Variants in BMPR1B observed in about 807,000 individuals in gnomAD.
BMPR1B encodes bone morphogenetic protein receptor type-1B.
A neutral mutation model predicts 59.1 loss-of-function variants in BMPR1B; 12 were observed. That is an observed-to-expected ratio of 0.20 (90% CI 0.13 to 0.33). BMPR1B has a LOEUF of 0.33. Among genes scored for constraint, BMPR1B ranks in the 10% least tolerant of loss-of-function variants. BMPR1B has a pLI of 1.00. For missense variants in BMPR1B, 550 were observed against 610.9 expected (o/e 0.90, Z 1.05); for synonymous variants, 237 against 207.3 (o/e 1.14, Z -1.23).
chr4:94,814,013 C>T (rs1298032900), intron 1 of BMPR1B, among the ~76,000 whole-genome samples: 3 of 152,084 alleles, frequency 2.0e-5, no homozygotes, highest in African/African-American at 7.2e-5. Flanking sequence ...GCCAAGTAGG[C>T]AGCTGTATAT....
At chr4:95,082,486 A>C (rs1284815320) in intron 3 of BMPR1B, among the ~76,000 whole-genome samples, 1 of 152,056 alleles carries the variant, frequency 6.6e-6, no homozygotes, top group African/African-American at 2.4e-5. Context: ...TACATGGCAG[A>C]GTATTTTGAG....
chr4:95,043,818 A>G (rs910662765), intron 3 of BMPR1B, among the ~76,000 whole-genome samples: 1 of 152,158 alleles, frequency 6.6e-6, no homozygotes, highest in Non-Finnish European at 1.5e-5. Flanking sequence ...TAAAACACAA[A>G]CATTAGAAGC....
At chr4:95,020,172 A>G (rs1228519978) in intron 3 of BMPR1B, among the ~76,000 whole-genome samples, 2 of 152,170 alleles carry the variant, frequency 1.3e-5, no homozygotes, top group African/African-American at 4.8e-5. Context: ...ACATTTGGCA[A>G]TGTCTGGAGA....
intron 1 of BMPR1B, among the ~76,000 whole-genome samples, chr4:94,830,292 A>G (rs1724531002): frequency 6.6e-6 from 1 of 152,180 alleles, no homozygotes; most frequent in South Asian, 2.1e-4. Flanking sequence ...ATGTTTTAAC[A>G]CGATATGTGA....
intron 2 of BMPR1B, among the ~76,000 whole-genome samples, chr4:94,933,232 A>G (rs973482764): frequency 6.6e-6 from 1 of 152,044 alleles, no homozygotes; most frequent in Non-Finnish European, 1.5e-5. Context: ...TTTATGTCCT[A>G]TTAACTGTTC....
chr4:94,980,467 C>G (rs1451699566), intron 2 of BMPR1B, among the ~76,000 whole-genome samples: 2 of 152,124 alleles, frequency 1.3e-5, no homozygotes, highest in African/African-American at 4.8e-5. Flanking sequence ...TGATTCCCAG[C>G]CAAGGCCCCT....
chr4:94,923,371 C>CT (rs1453209664), intron 2 of BMPR1B, among the ~76,000 whole-genome samples: 2 of 152,014 alleles, frequency 1.3e-5, no homozygotes, highest in Non-Finnish European at 2.9e-5. Flanking sequence ...CTTATGTACT[C>CT]TGAAATTTTG....
intron 4 of BMPR1B, among the ~76,000 whole-genome samples, chr4:95,108,688 CA>C (rs1229955357): frequency 6.6e-6 from 1 of 152,056 alleles, no homozygotes; most frequent in African/African-American, 2.4e-5. Context: ...ATGATATTCA[CA>C]TTAAAGGATG....
chr4:94,908,061 T>TTAAAAAAAAAAAAAA (rs1728115989), intron 2 of BMPR1B, among the ~76,000 whole-genome samples: 1 of 46,254 alleles, frequency 2.2e-5, no homozygotes, highest in African/African-American at 7.2e-5. Flanking sequence ...ACCCTGTCTT[T>TTAAAAAAAAAAAAAA]AAAAAAAAAA....
chr4:95,148,990 G>T lies in BMPR1B; in HGVS notation c.1252+67G>T. ...ACTATAAATCCTTTCTTTCTGATCA[G>T]AAATCAAAGTTATCATACTGTCTAT... On this transcript the variant is annotated intron_variant, in intron 11 of 12. Coordinates refer to ENST00000515059, the MANE Select transcript of BMPR1B (RefSeq NM_001203.3). The T allele has an allele frequency of 2.5e-6, 4 of 1,579,628 alleles. No homozygotes were observed. The South Asian group carries it at 4.4e-5, about 18-fold the overall frequency.
chr4:95,030,997 C>T (rs1724802125), intron 3 of BMPR1B, among the ~76,000 whole-genome samples: 1 of 151,920 alleles, frequency 6.6e-6, no homozygotes. Context: ...CAATGACTTT[C>T]TTCACAGAAT....
rs74838699 is a variant in BMPR1B at position 95,126,508 on chromosome 4, G to A, written c.585+1387G>A. Reference sequence around the variant, plus strand: ...TTAGTCCTCATAGCAACCCTATAAGGTAGTACCAGAAATATCAGTATAACC... The same window carrying A: ...TTAGTCCTCATAGCAACCCTATAAGATAGTACCAGAAATATCAGTATAACC... On this transcript the variant is annotated intron_variant, in intron 8 of 12. Coordinates refer to ENST00000515059, the MANE Select transcript of BMPR1B (RefSeq NM_001203.3). 7.7e-3 allele frequency among the ~76,000 whole-genome samples: 1,177 copies of A among 152,232 alleles called. 15 individuals are homozygous for A. The highest frequency in any genetic ancestry group is 0.026 in the African/African-American group (1,077 of 41,528).
rs1735395832 is a variant in BMPR1B, at chr4:95,156,031, C to G, written c.*1358C>G. 6.6e-6 allele frequency: 1 copy of G among 152,020 alleles called. No homozygotes were observed. The highest frequency in any genetic ancestry group is 2.1e-4 in the South Asian group (1 of 4,834). 9.4% of individuals were successfully genotyped at this position (152,020 alleles called of 1,614,324 possible). A position where few individuals can be genotyped will look rare whatever the true frequency, so the allele number is the denominator to read the frequency against. ...GAATGCCTACTCATTTTATTTTATTCTAGTGATGCTCAATTCACTATTTAA... is the reference window on the plus strand; with the variant it reads ...GAATGCCTACTCATTTTATTTTATTGTAGTGATGCTCAATTCACTATTTAA... On this transcript the variant is annotated 3_prime_UTR_variant, in exon 13 of 13. Coordinates refer to ENST00000515059, the MANE Select transcript of BMPR1B (RefSeq NM_001203.3).
At chr4:94,885,441 A>G (rs1578760904) in intron 2 of BMPR1B, among the ~76,000 whole-genome samples, 1 of 152,168 alleles carries the variant, frequency 6.6e-6, no homozygotes, top group Non-Finnish European at 1.5e-5. Context: ...GAGTTTGGAC[A>G]TTTTCCTATT....
At chr4:94,768,432 T>C (rs905331016) in intron 1 of BMPR1B, among the ~76,000 whole-genome samples, 2 of 152,112 alleles carry the variant, frequency 1.3e-5, no homozygotes, top group Non-Finnish European at 2.9e-5. Flanking sequence ...GCAGCGATTT[T>C]CCCCCTAAAT....
chr4:95,081,600 G>A (rs1339211048), intron 3 of BMPR1B, among the ~76,000 whole-genome samples: 2 of 152,040 alleles, frequency 1.3e-5, no homozygotes, highest in African/African-American at 4.8e-5. Flanking sequence ...TCATGCATAG[G>A]TAAAAGATCA....
chr4:94,778,528 G>A (rs556655717), intron 1 of BMPR1B, among the ~76,000 whole-genome samples: 2 of 152,202 alleles, frequency 1.3e-5, no homozygotes, highest in East Asian at 1.9e-4. Context: ...AAAGAATGAT[G>A]TTATGGGCTT....
rs759667475 is a variant in BMPR1B at position 95,123,796 on chromosome 4, C to T, written c.350-14C>T. 1 of 1,572,388 alleles carries T rather than the reference C, an allele frequency of 6.4e-7. No individual in the cohort carries two copies. The highest frequency in any genetic ancestry group is 8.7e-7 in the Non-Finnish European group (1 of 1,146,124). On this transcript the variant is annotated splice_polypyrimidine_tract_variant and intron_variant, in intron 6 of 12. Transcript: ENST00000515059. Reference sequence around the variant, plus strand: ...TATTCTCTTGATTATGGCTCTTTTTCTTTTTAATTTCAGATTTTGTTGATG... The same window carrying T: ...TATTCTCTTGATTATGGCTCTTTTTTTTTTTAATTTCAGATTTTGTTGATG...
At chr4:95,147,715 G>A (rs1734745832) in intron 10 of BMPR1B, among the ~76,000 whole-genome samples, 1 of 151,982 alleles carries the variant, frequency 6.6e-6, no homozygotes, top group African/African-American at 2.4e-5. Flanking sequence ...TCATATCTAG[G>A]GTTTGTTACT....
Sources: gnomAD v4.1 joint callset for allele counts (sites outside exome capture counted in the v4.1 genomes callset) on GRCh38, gnomAD v4.1.1 for gene constraint, MANE v1.5 for transcripts, NCBI Gene and HGNC (gene_info 2026-07-23, HGNC 2026-07-21) for gene names.